Variants in SPIDR observed in about 807,000 individuals in gnomAD.
The protein encoded by SPIDR is DNA repair-scaffolding protein.
A neutral mutation model predicts 104.6 loss-of-function variants in SPIDR; 93 were observed. The observed-to-expected ratio is 0.89, with a 90% CI of 0.75 to 1.06. The LOEUF is 1.06. Among genes scored for constraint, SPIDR ranks in the 50% least tolerant of loss-of-function variants. The pLI is 0.00. For missense variants in SPIDR, 1,154 were observed against 1,111.2 expected (o/e 1.04, Z -0.55); for synonymous variants, 431 against 416.9 (o/e 1.03, Z -0.41).
chr8:47,716,070 A>C (rs1016300095), intron 16 of SPIDR, among the ~76,000 whole-genome samples: 6 of 150,764 alleles, frequency 4.0e-5, no homozygotes, highest in African/African-American at 1.5e-4. Context: ...GTTCAAGAGA[A>C]TCTCCTGCCT....
At chr8:47,474,490 T>C (rs141999248) in intron 8 of SPIDR, among the ~76,000 whole-genome samples, 17 of 152,320 alleles carry the variant, frequency 1.1e-4, no homozygotes, top group African/African-American at 3.8e-4. Flanking sequence ...CCAGGAGTAA[T>C]TCTGAGTGTT....
chr8:47,587,467 G>A (rs896556614), intron 8 of SPIDR, among the ~76,000 whole-genome samples: 4 of 151,996 alleles, frequency 2.6e-5, no homozygotes, highest in African/African-American at 9.7e-5. Flanking sequence ...AAATAACGGG[G>A]CATGGTGGCG....
chr8:47,310,448 A>AC (rs1196006659), intron 5 of SPIDR, among the ~76,000 whole-genome samples: 1 of 152,146 alleles, frequency 6.6e-6, no homozygotes, highest in Non-Finnish European at 1.5e-5. Context: ...ATGTCGGACT[A>AC]CCTTTCCTGA....
chr8:47,558,178 T>G (rs1050774637), intron 8 of SPIDR, among the ~76,000 whole-genome samples: 2 of 152,092 alleles, frequency 1.3e-5, no homozygotes, highest in Non-Finnish European at 2.9e-5. Context: ...CAGGGCAAGG[T>G]TGAAAAACTA....
At chr8:47,287,528 A>G (rs2039083153) in intron 3 of SPIDR, among the ~76,000 whole-genome samples, 1 of 152,114 alleles carries the variant, frequency 6.6e-6, no homozygotes, top group Non-Finnish European at 1.5e-5. Context: ...ACACTCCCAG[A>G]GTGGCCGTTT....
intron 11 of SPIDR, among the ~76,000 whole-genome samples, chr8:47,690,095 T>C (rs558458133): frequency 6.6e-5 from 10 of 152,172 alleles, no homozygotes; most frequent in African/African-American, 2.2e-4. Flanking sequence ...AGATATGGGC[T>C]GACAGATTTT....
intron 8 of SPIDR, among the ~76,000 whole-genome samples, chr8:47,507,994 G>A (rs1403612646): frequency 6.6e-6 from 1 of 152,176 alleles, no homozygotes; most frequent in African/African-American, 2.4e-5. Context: ...CTCAATACTG[G>A]ATTGAGTAAT....
intron 8 of SPIDR, among the ~76,000 whole-genome samples, chr8:47,578,864 T>C (rs930502848): frequency 6.6e-6 from 1 of 152,200 alleles, no homozygotes; most frequent in Non-Finnish European, 1.5e-5. Flanking sequence ...ATAGTCAATA[T>C]TTTTATCAGT....
At chr8:47,686,860 T>C (rs1166991017) in intron 11 of SPIDR, among the ~76,000 whole-genome samples, 1 of 152,174 alleles carries the variant, frequency 6.6e-6, no homozygotes, top group East Asian at 1.9e-4. Context: ...AAACTATCTA[T>C]AGTAGGATTG....
intron 9 of SPIDR, among the ~76,000 whole-genome samples, 188 bp from the exon 10 acceptor site, chr8:47,598,758 C>T (rs1203658448): frequency 6.6e-6 from 1 of 152,180 alleles, no homozygotes; most frequent in African/African-American, 2.4e-5. Flanking sequence ...GTCTTAGCCA[C>T]CTGGCAGGCC....
At chr8:47,634,854 C>T (rs1377691565) in intron 10 of SPIDR, among the ~76,000 whole-genome samples, 1 of 152,200 alleles carries the variant, frequency 6.6e-6, no homozygotes, top group African/African-American at 2.4e-5. Context: ...GTACTGCCTC[C>T]ACAGAAATGA....
chr8:47,487,723 A>G (rs534985390), intron 8 of SPIDR, among the ~76,000 whole-genome samples: 1 of 152,238 alleles, frequency 6.6e-6, no homozygotes, highest in African/African-American at 2.4e-5. Flanking sequence ...ACTCAACTAC[A>G]TGGAAACTGC....
chr8:47,503,209 G>C (rs890178233), intron 8 of SPIDR, among the ~76,000 whole-genome samples: 1 of 152,118 alleles, frequency 6.6e-6, no homozygotes, highest in African/African-American at 2.4e-5. Context: ...TTTCTGTCTC[G>C]TTGATATATC....
chr8:47,619,486 C>T (rs1215575970), intron 10 of SPIDR, among the ~76,000 whole-genome samples: 1 of 152,186 alleles, frequency 6.6e-6, no homozygotes, highest in Non-Finnish European at 1.5e-5. Context: ...CTATCTTGAG[C>T]TTGAACCTCT....
intron 8 of SPIDR, among the ~76,000 whole-genome samples, chr8:47,483,701 T>C (rs1179827995): frequency 6.6e-6 from 1 of 152,198 alleles, no homozygotes; most frequent in Admixed American, 6.5e-5. Flanking sequence ...AGAAGATCCC[T>C]TTATATTTGA....
chr8:47,260,979 T>G lies in SPIDR; in HGVS notation c.21T>G (p.Ala7=). MPRGSR[A]RGSKRKRSWN... ...CGGAGATGCCCCGCGGCAGCCGCGC[T>G]CGGGGCTCTAAGGTAGGCTCTGGGG... Residue 7 remains alanine, a synonymous_variant, in exon 1 of 20, where the codon GCT becomes GCG. Transcript: ENST00000297423. 1 of 1,230,384 alleles carries G rather than the reference T, an allele frequency of 8.1e-7. No individual in the cohort carries two copies. The highest frequency in any genetic ancestry group is 1.0e-6 in the Non-Finnish European group (1 of 986,842). 76.2% of individuals were successfully genotyped at this position (1,230,384 alleles called of 1,614,324 possible). A position where few individuals can be genotyped will look rare whatever the true frequency, so the allele number is the denominator to read the frequency against.
chr8:47,395,421 T>A, intron 5 of SPIDR, among the ~76,000 whole-genome samples: 1 of 152,218 alleles, frequency 6.6e-6, no homozygotes. Context: ...GTAGATTTGC[T>A]AATGATGTAA....
intron 7 of SPIDR, among the ~76,000 whole-genome samples, chr8:47,434,891 A>C (rs1394137863): frequency 3.3e-5 from 5 of 152,244 alleles, no homozygotes; most frequent in African/African-American, 9.6e-5. Flanking sequence ...ACAACAACAA[A>C]AAAGGCATTT....
At chr8:47,673,761 A>T (rs957172153) in intron 10 of SPIDR, 40 bp from the exon 11 acceptor site, 1 of 1,613,882 alleles carries the variant, frequency 6.2e-7, no homozygotes, top group South Asian at 1.1e-5. Context: ...TATTAATCCA[A>T]ACTGCCTCCT....
Sources: gnomAD v4.1 joint callset for allele counts (sites outside exome capture counted in the v4.1 genomes callset) on GRCh38, gnomAD v4.1.1 for gene constraint, MANE v1.5 for transcripts, NCBI Gene and HGNC (gene_info 2026-07-23, HGNC 2026-07-21) for gene names.